The following NTNG1 variants were observed in gnomAD, a reference collection of about 807,000 sequenced individuals.
The protein encoded by NTNG1 is netrin G1.
In NTNG1, 16 loss-of-function variants were observed where a neutral mutation model predicts 54.0. That is an observed-to-expected ratio of 0.30 (90% CI 0.20 to 0.45). The LOEUF (loss-of-function observed/expected upper bound fraction) is 0.45, where lower values mean the gene tolerates loss of function less well. Among genes scored for constraint, NTNG1 ranks in the 20% least tolerant of loss-of-function variants. The pLI, the probability that NTNG1 is intolerant of heterozygous loss-of-function variation, is 1.00. For synonymous variants in NTNG1, 255 were observed against 263.1 expected, an observed-to-expected ratio of 0.97 and a Z score of 0.30; for missense variants, 530 against 678.7, an observed-to-expected ratio of 0.78 and a Z score of 2.43.
intron 3 of NTNG1, among the ~76,000 whole-genome samples, chr1:107,339,826 G>A (rs906727528): frequency 6.6e-6 from 1 of 152,004 alleles, no homozygotes; most frequent in African/African-American, 2.4e-5. Flanking sequence ...TTTGTGCTTA[G>A]TATAATAGTT....
intron 2 of NTNG1, 120 bp from the exon 3 acceptor site, chr1:107,324,162 A>T (rs1667811304): frequency 1.2e-6 from 1 of 851,564 alleles, no homozygotes; most frequent in Non-Finnish European, 1.9e-6. Flanking sequence ...GCAAATAAAA[A>T]TGATTACTGA....
At chr1:107,271,909 T>C (rs2101692732) in intron 2 of NTNG1, among the ~76,000 whole-genome samples, 1 of 152,260 alleles carries the variant, frequency 6.6e-6, no homozygotes, top group South Asian at 2.1e-4. Flanking sequence ...AAAGAAGGAA[T>C]TATGGGGAGG....
chr1:107,185,226 A>C (rs1018478998), intron 2 of NTNG1, among the ~76,000 whole-genome samples: 1 of 152,212 alleles, frequency 6.6e-6, no homozygotes, highest in Non-Finnish European at 1.5e-5. Flanking sequence ...TGGATGGCTT[A>C]AAAGCATGCA....
intron 2 of NTNG1, among the ~76,000 whole-genome samples, chr1:107,302,307 T>G (rs1666369999): frequency 6.6e-6 from 1 of 152,100 alleles, no homozygotes; most frequent in Non-Finnish European, 1.5e-5. Flanking sequence ...TCATCACAAA[T>G]TCACTCTTCC....
At position 107,380,184 on chromosome 1, in the gene NTNG1, T is replaced by C. The variant is rs567994411; in HGVS notation, c.888-14970T>C. 4.6e-5 allele frequency among the ~76,000 whole-genome samples: 7 copies of C among 152,278 alleles called. No homozygotes were observed. In the South Asian group the frequency reaches 1.2e-3, roughly 27 times the overall value. On this transcript the variant is annotated intron_variant, in intron 3 of 7. Coordinates refer to ENST00000370068, the MANE Select transcript of NTNG1 (RefSeq NM_001113226.3). ...ATTTTTTCAAGCACAAAACCCTAATTAATCTCTCTTTTTTTTCCATCAAAT... is the reference window on the plus strand; with the variant it reads ...ATTTTTTCAAGCACAAAACCCTAATCAATCTCTCTTTTTTTTCCATCAAAT...
chr1:107,360,781 C>A (rs1190573300), intron 3 of NTNG1, among the ~76,000 whole-genome samples: 1 of 152,142 alleles, frequency 6.6e-6, no homozygotes, highest in Non-Finnish European at 1.5e-5. Context: ...ATGTAAAGAT[C>A]ACTTAATATA....
intron 2 of NTNG1, among the ~76,000 whole-genome samples, chr1:107,240,351 G>T (rs1661745127): frequency 6.6e-6 from 1 of 151,262 alleles, no homozygotes; most frequent in African/African-American, 2.4e-5. Flanking sequence ...AGCAGTAAAT[G>T]GTGACGGTCA....
intron 2 of NTNG1, among the ~76,000 whole-genome samples, chr1:107,232,025 T>C (rs1487975794): frequency 6.6e-6 from 1 of 152,210 alleles, no homozygotes; most frequent in Non-Finnish European, 1.5e-5. Flanking sequence ...AAACTCTGAA[T>C]AGCAGCTTGG....
At chr1:107,189,346 G>T (rs914045450) in intron 2 of NTNG1, among the ~76,000 whole-genome samples, 6 of 18,458 alleles carry the variant, frequency 3.3e-4, no homozygotes, top group Admixed American at 1.1e-3. Context: ...GACAGACCTT[G>T]TCTCAAAAAA....
intron 3 of NTNG1, among the ~76,000 whole-genome samples, chr1:107,349,896 T>A (rs888981486): frequency 6.6e-6 from 1 of 152,180 alleles, no homozygotes; most frequent in African/African-American, 2.4e-5. Flanking sequence ...AAGAAATTTT[T>A]GGTACATGTG....
chr1:107,254,630 T>G (rs1235916711), intron 2 of NTNG1, among the ~76,000 whole-genome samples: 3 of 152,160 alleles, frequency 2.0e-5, no homozygotes, highest in African/African-American at 7.2e-5. Context: ...CTGCCTGCAC[T>G]AGGAAAGGAT....
chr1:107,381,498 GC>G (rs1671645582), intron 3 of NTNG1, among the ~76,000 whole-genome samples: 1 of 151,904 alleles, frequency 6.6e-6, no homozygotes, highest in East Asian at 1.9e-4. Context: ...ATTTTCCAAA[GC>G]TAAATGCTAG....
intron 5 of NTNG1, among the ~76,000 whole-genome samples, chr1:107,425,838 A>G (rs913812339): frequency 9.9e-5 from 15 of 152,228 alleles, no homozygotes; most frequent in African/African-American, 3.6e-4. Context: ...CCATGCCAGC[A>G]TCTCTTGCTT....
chr1:107,332,787 T>G (rs1038828374), intron 3 of NTNG1, among the ~76,000 whole-genome samples: 6 of 152,072 alleles, frequency 3.9e-5, no homozygotes, highest in African/African-American at 1.2e-4. Context: ...ATATTTTCAA[T>G]TCAATAAGCC....
At chr1:107,375,261 T>C (rs930671270) in intron 3 of NTNG1, among the ~76,000 whole-genome samples, 1 of 152,228 alleles carries the variant, frequency 6.6e-6, no homozygotes, top group Non-Finnish European at 1.5e-5. Context: ...GGGAGTCTAG[T>C]AGCTCAGCCT....
intron 7 of NTNG1, among the ~76,000 whole-genome samples, chr1:107,444,609 A>T (rs1676196449): frequency 6.6e-6 from 1 of 152,232 alleles, no homozygotes; most frequent in East Asian, 1.9e-4. Context: ...CTGGATGGCA[A>T]CTTTTCATAT....
intron 2 of NTNG1, among the ~76,000 whole-genome samples, chr1:107,172,047 T>A (rs1656285888): frequency 6.6e-6 from 1 of 152,218 alleles, no homozygotes; most frequent in Admixed American, 6.5e-5. Flanking sequence ...CAATCTAGCA[T>A]ATATGCTATT....
chr1:107,221,544 GA>G (rs1660345965), intron 2 of NTNG1, among the ~76,000 whole-genome samples: 1 of 152,150 alleles, frequency 6.6e-6, no homozygotes, highest in African/African-American at 2.4e-5. Context: ...AAAATGTCAG[GA>G]AAGGCTTTCT....
chr1:107,312,949 T>C (rs1205447534), intron 2 of NTNG1, among the ~76,000 whole-genome samples: 1 of 152,194 alleles, frequency 6.6e-6, no homozygotes, highest in African/African-American at 2.4e-5. Flanking sequence ...AGCCTGCTAA[T>C]ACTTTAATAC....
Sources: gnomAD v4.1 joint callset for allele counts (sites outside exome capture counted in the v4.1 genomes callset) on GRCh38, gnomAD v4.1.1 for gene constraint, MANE v1.5 for transcripts, NCBI Gene and HGNC (gene_info 2026-07-23, HGNC 2026-07-21) for gene names.